ITGBL1: variants seen among roughly 807,000 people sequenced by gnomAD.
ITGBL1 encodes integrin beta-like protein 1.
A neutral mutation model predicts 68.5 loss-of-function variants in ITGBL1; 51 were observed. The observed-to-expected ratio is 0.74, with a 90% confidence interval of 0.59 to 0.94. ITGBL1 has a LOEUF of 0.94. Ranked by LOEUF, ITGBL1 falls within the 40% of genes least tolerant of loss-of-function variation. The pLI, the probability that ITGBL1 is intolerant of heterozygous loss-of-function variation, is 0.00. For missense variants in ITGBL1, 649 were observed against 647.4 expected (o/e 1.00, Z -0.03); for synonymous variants, 209 against 227.3 (o/e 0.92, Z 0.72).
chr13:101,662,487 T>G (rs1274657512), intron 7 of ITGBL1, among the ~76,000 whole-genome samples: 2 of 152,176 alleles, frequency 1.3e-5, no homozygotes, highest in Admixed American at 1.3e-4. Flanking sequence ...AGGACCTGCA[T>G]GTCAAATTCC....
At chr13:101,563,204 G>A in intron 2 of ITGBL1, among the ~76,000 whole-genome samples, 1 of 150,934 alleles carries the variant, frequency 6.6e-6, no homozygotes, top group East Asian at 1.9e-4. Context: ...AACAGAAGAA[G>A]TGTTTAAAAT....
chr13:101,501,042 T>C (rs1010402451), intron 2 of ITGBL1, among the ~76,000 whole-genome samples: 1 of 152,168 alleles, frequency 6.6e-6, no homozygotes, highest in African/African-American at 2.4e-5. Context: ...TATAACTTAG[T>C]GGTTGTTATT....
Position 101,536,458 on chromosome 13 carries a change from A to G in ITGBL1, c.317-31241A>G, listed in dbSNP as rs547981011. Among the ~76,000 whole-genome samples, 8 of 152,130 alleles carry G rather than the reference A, an allele frequency of 5.3e-5. No individual in the cohort carries two copies. In the Middle Eastern group the frequency reaches 0.024, roughly 453 times the overall value. On this transcript the variant is annotated intron_variant, in intron 2 of 10. Coordinates refer to ENST00000376180, the MANE Select transcript of ITGBL1 (RefSeq NM_004791.3). ...ACGCATTTTCTTGAAAGCATTATTG[A>G]GAAGAGGCAAAATTGAGAGCAATTG...
At chr13:101,604,105 T>C (rs2030550746) in intron 7 of ITGBL1, among the ~76,000 whole-genome samples, 1 of 151,826 alleles carries the variant, frequency 6.6e-6, no homozygotes, top group South Asian at 2.1e-4. Context: ...AACCATATAA[T>C]AGAAAGATAA....
chr13:101,494,300 C>G (rs2048823665), intron 2 of ITGBL1, among the ~76,000 whole-genome samples: 1 of 152,144 alleles, frequency 6.6e-6, no homozygotes, highest in Non-Finnish European at 1.5e-5. Flanking sequence ...TCTAGATCAC[C>G]TGCAGCACTG....
At chr13:101,607,828 A>G (rs970920500) in intron 7 of ITGBL1, among the ~76,000 whole-genome samples, 3 of 152,082 alleles carry the variant, frequency 2.0e-5, no homozygotes, top group East Asian at 1.9e-4. Flanking sequence ...ATTGACTTCT[A>G]TAATCATCAA....
chr13:101,672,129 A>C (rs985345439), intron 7 of ITGBL1, among the ~76,000 whole-genome samples: 4 of 152,256 alleles, frequency 2.6e-5, no homozygotes, highest in East Asian at 1.9e-4. Flanking sequence ...AAACAAATTA[A>C]TCTTATTCTC....
At chr13:101,503,275 A>G (rs543194907) in intron 2 of ITGBL1, among the ~76,000 whole-genome samples, 2 of 152,206 alleles carry the variant, frequency 1.3e-5, no homozygotes, top group East Asian at 3.9e-4. Context: ...TATTCCTTGG[A>G]CTGTTTGTAC....
intron 2 of ITGBL1, among the ~76,000 whole-genome samples, chr13:101,475,789 TG>T (rs1468648462): frequency 5.9e-5 from 3 of 50,720 alleles, no homozygotes; most frequent in African/African-American, 1.6e-4. Context: ...AAAATGCTGA[TG>T]GGGGGCAGGT....
intron 2 of ITGBL1, among the ~76,000 whole-genome samples, chr13:101,474,167 C>T (rs765380009): frequency 2.0e-5 from 3 of 152,082 alleles, no homozygotes; most frequent in Non-Finnish European, 4.4e-5. Context: ...CAGTTCTAGG[C>T]CTTGACTCCT....
At position 101,570,848 on chromosome 13, in the gene ITGBL1, C is replaced by G. The variant is rs909167738; in HGVS notation, c.463+3003C>G. Among the ~76,000 whole-genome samples the G allele has an allele frequency of 2.0e-5, 3 of 152,136 alleles. No homozygotes were observed. The South Asian group carries it at 6.2e-4, about 31-fold the overall frequency. On this transcript the variant is annotated intron_variant, in intron 3 of 10. Transcript: ENST00000376180. ...AGACATTTATAAGAAATAACTTAAG[C>G]TAAGTTTCACTTATTTTTGCCTGTC...
chr13:101,669,893 A>T (rs1368528499), intron 7 of ITGBL1, among the ~76,000 whole-genome samples: 1 of 152,168 alleles, frequency 6.6e-6, no homozygotes, highest in Non-Finnish European at 1.5e-5. Context: ...TGCAGGTCAT[A>T]CATCATTGCC....
intron 7 of ITGBL1, among the ~76,000 whole-genome samples, chr13:101,613,431 A>G (rs1375300273): frequency 1.3e-5 from 2 of 152,210 alleles, no homozygotes; most frequent in Non-Finnish European, 2.9e-5. Flanking sequence ...AAGTTAAACC[A>G]GAAAACAAAT....
chr13:101,490,744 G>A (rs1192318488), intron 2 of ITGBL1, among the ~76,000 whole-genome samples: 2 of 152,222 alleles, frequency 1.3e-5, no homozygotes, highest in African/African-American at 2.4e-5. Flanking sequence ...TGTAGGCAAA[G>A]CCACATGCAG....
intron 2 of ITGBL1, among the ~76,000 whole-genome samples, chr13:101,530,551 C>A (rs1332252975): frequency 6.6e-6 from 1 of 152,078 alleles, no homozygotes; most frequent in Non-Finnish European, 1.5e-5. Flanking sequence ...CTTCCAAAAC[C>A]AAGACTGAAA....
At chr13:101,526,172 ATACT>A (rs2049375551) in intron 2 of ITGBL1, among the ~76,000 whole-genome samples, 1 of 90,894 alleles carries the variant, frequency 1.1e-5, no homozygotes, top group Non-Finnish European at 2.4e-5. Context: ...TTTTTTTTAA[ATACT>A]TTAAGTTCTG....
intron 8 of ITGBL1, among the ~76,000 whole-genome samples, chr13:101,696,369 C>G (rs552870814): frequency 6.6e-6 from 1 of 152,160 alleles, no homozygotes; most frequent in African/African-American, 2.4e-5. Flanking sequence ...CACCAGGTTT[C>G]TGTTTTGAGC....
intron 7 of ITGBL1, among the ~76,000 whole-genome samples, chr13:101,689,211 T>TAAAAAAAAAAAAAAAAAAA (rs34627046): frequency 0.03 from 2,211 of 74,594 alleles, 199 homozygotes; most frequent in South Asian, 0.045. Flanking sequence ...AGACTCTGCC[T>TAAAAAAAAAAAAAAAAAAA]AAAAAAAAAA....
intron 7 of ITGBL1, among the ~76,000 whole-genome samples, chr13:101,681,005 C>G (rs1316369953): frequency 6.6e-6 from 1 of 152,122 alleles, no homozygotes; most frequent in Admixed American, 6.6e-5. Flanking sequence ...GTGCATTTTA[C>G]CTTAATTTCC....
Sources: allele counts gnomAD v4.1 joint callset (sites outside exome capture counted in the v4.1 genomes callset), GRCh38; gene constraint gnomAD v4.1.1; transcripts MANE v1.5; gene names NCBI Gene and HGNC (gene_info 2026-07-23, HGNC 2026-07-21).